The following SPTB variants were observed in gnomAD, a reference collection of about 807,000 sequenced individuals.
SPTB encodes spectrin beta chain, erythrocytic.
Under a neutral mutation model 256.2 loss-of-function variants are expected in SPTB, and 45 were observed. That is an observed-to-expected ratio of 0.18 (90% confidence interval 0.14 to 0.23). The LOEUF is 0.23. Among genes scored for constraint, SPTB ranks in the 10% least tolerant of loss-of-function variants. SPTB has a pLI of 1.00. For synonymous variants in SPTB, 1,231 were observed against 1,243.1 expected (o/e 0.99, Z 0.21); for missense variants, 2,715 against 3,040.4 (o/e 0.89, Z 2.52).
intron 1 of SPTB, among the ~76,000 whole-genome samples, chr14:64,878,167 T>C (rs886900513): frequency 2.0e-5 from 3 of 152,338 alleles, no homozygotes; most frequent in South Asian, 2.1e-4. Flanking sequence ...GAAAGCCACA[T>C]TTTCATGAGC....
In SPTB at chr14:64,833,879, C is replaced by T. The variant is rs117522541; in HGVS notation, c.-51-10734G>A. ...TTAAGAGGATAAAAGCAGTTCCCAC[C>T]GAGGACACACCATGTGGAGGCCCAT... On this transcript the variant is annotated intron_variant, in intron 1 of 35. Coordinates refer to ENST00000644917, the MANE Select transcript of SPTB (RefSeq NM_001355436.2). 9.8e-4 allele frequency among the ~76,000 whole-genome samples: 149 copies of T among 152,244 alleles called. 4 individuals carry two copies. The East Asian group carries it at 0.022, about 23-fold the overall frequency.
rs968656596 is a variant in SPTB at position 64,824,597 on chromosome 14, G to A, written c.-51-1452C>T. 6.6e-6 allele frequency among the ~76,000 whole-genome samples: 1 copy of A among 152,194 alleles called. No homozygotes were observed. Among genetic ancestry groups the A allele is most frequent in the African/African-American group, 2.4e-5 (1 of 41,452 alleles). ...AAGAGAGCAAAGCGGGAGGCAGGGA[G>A]GCTGTGAGGCAGACCTGTGATGGGG... is the stretch of plus-strand genomic sequence containing the variant. On this transcript the variant is annotated intron_variant, in intron 1 of 35. Coordinates refer to ENST00000644917, the MANE Select transcript of SPTB (RefSeq NM_001355436.2). This position sits in a 1 kb window ranked among gnomAD's most constrained non-coding sequence, Gnocchi z 5.7.
At position 64,845,899 on chromosome 14, in the gene SPTB, CA is replaced by C. The variant is rs75547748; in HGVS notation, c.-51-22755del. On this transcript the variant is annotated intron_variant, in intron 1 of 35. Coordinates refer to ENST00000644917, the MANE Select transcript of SPTB (RefSeq NM_001355436.2). This position sits in a 1 kb window ranked among gnomAD's most constrained non-coding sequence, Gnocchi z 4.8. ...GCATTTTGGGCCAATATTGACTTTC[CA>C]AAAAAAACCCGCTCTACATTTTATG... is the stretch of plus-strand genomic sequence containing the variant. 5.3e-5 allele frequency among the ~76,000 whole-genome samples: 8 copies of C among 151,508 alleles called. No homozygotes were observed. The highest frequency in any genetic ancestry group is 1.9e-4 in the African/African-American group (8 of 41,192).
At chr14:64,801,713 G>C (rs963182482) in intron 6 of SPTB, 41 bp downstream of exon 6, 9 of 1,571,052 alleles carry the variant, frequency 5.7e-6, no homozygotes, top group Admixed American at 5.0e-5. Flanking sequence ...TCCCAGGGAG[G>C]CTGTCTCAGT....
At chr14:64,878,760 G>A (rs1197462437) in intron 1 of SPTB, among the ~76,000 whole-genome samples, 1 of 151,996 alleles carries the variant, frequency 6.6e-6, no homozygotes, top group Non-Finnish European at 1.5e-5. Flanking sequence ...AGTACAAAAA[G>A]GCTGTCACTA....
chr14:64,788,162 G>A (rs561013743), intron 15 of SPTB, among the ~76,000 whole-genome samples: 1 of 152,302 alleles, frequency 6.6e-6, no homozygotes, highest in African/African-American at 2.4e-5. Context: ...GAGCAATGGG[G>A]TGACAGTTGC....
At position 64,855,409 on chromosome 14, in the gene SPTB, G is replaced by C. The variant is rs562906887; in HGVS notation, c.-52+24383C>G. On this transcript the variant is annotated intron_variant, in intron 1 of 35. Coordinates refer to ENST00000644917, the MANE Select transcript of SPTB (RefSeq NM_001355436.2). The stretch of plus-strand genomic sequence containing the variant: ...CTAAGAAGTTATTCTTTATGGCTTG[G>C]GGAAATGAAAAAAGAGAAACCGTAT... Among the ~76,000 whole-genome samples the C allele has an allele frequency of 4.5e-4, 68 of 152,098 alleles. No individual in the cohort carries two copies. In the South Asian group the frequency reaches 0.014, roughly 31 times the overall value.
In SPTB at chr14:64,866,831, A is replaced by G. The variant is rs1177413077; in HGVS notation, c.-52+12961T>C. Among the ~76,000 whole-genome samples the G allele has an allele frequency of 6.6e-6, 1 of 152,178 alleles. No individual in the cohort carries two copies. Among genetic ancestry groups the G allele is most frequent in the Non-Finnish European group, 1.5e-5 (1 of 68,022 alleles). On this transcript the variant is annotated intron_variant, in intron 1 of 35. Coordinates refer to ENST00000644917, the MANE Select transcript of SPTB (RefSeq NM_001355436.2). This position sits in a 1 kb window ranked among gnomAD's most constrained non-coding sequence, Gnocchi z 4.6. Reference sequence around the variant, plus strand: ...GACAAACAATAAACAGATTAACTGTACCCAGAAAAATAAAACCTCTATACA... The same window carrying G: ...GACAAACAATAAACAGATTAACTGTGCCCAGAAAAATAAAACCTCTATACA...
At position 64,847,226 on chromosome 14, in the gene SPTB, C is replaced by T. The variant is rs144752714; in HGVS notation, c.-51-24081G>A. Among the ~76,000 whole-genome samples, 32 of 152,320 alleles carry T rather than the reference C, an allele frequency of 2.1e-4. No individual in the cohort carries two copies. The highest frequency in any genetic ancestry group is 4.3e-4 in the Non-Finnish European group (29 of 68,028). Reference sequence around the variant, plus strand: ...AGGAAACAGTGACCCCAAAGGCCAGCGAAGACAGCCCAACTTGGCTGTGGT... The same window carrying T: ...AGGAAACAGTGACCCCAAAGGCCAGTGAAGACAGCCCAACTTGGCTGTGGT... On this transcript the variant is annotated intron_variant, in intron 1 of 35. Transcript: ENST00000644917. The surrounding 1 kb of genome is among the most constrained non-coding windows in gnomAD (Gnocchi z 5.9).
intron 2 of SPTB, among the ~76,000 whole-genome samples, chr14:64,810,642 T>C (rs1431921053): frequency 6.6e-6 from 1 of 152,192 alleles, no homozygotes; most frequent in East Asian, 1.9e-4. Flanking sequence ...ATCCCACCAC[T>C]GTGCTCCAGC....
intron 1 of SPTB, among the ~76,000 whole-genome samples, chr14:64,858,114 T>G (rs2083901184): frequency 6.6e-6 from 1 of 152,176 alleles, no homozygotes; most frequent in African/African-American, 2.4e-5. Context: ...GAACCTGGAT[T>G]TGAAGCCAGG....
chr14:64,810,782 C>A (rs374385081), intron 2 of SPTB, among the ~76,000 whole-genome samples: 26 of 152,116 alleles, frequency 1.7e-4, no homozygotes, highest in African/African-American at 5.3e-4. Flanking sequence ...AATCCAAAAG[C>A]TATAAAATAA....
chr14:64,763,678 G>A, intron 32 of SPTB: 1 of 515,338 alleles, frequency 1.9e-6, no homozygotes, highest in Non-Finnish European at 3.9e-6. Context: ...CTAGAACCCA[G>A]ATGTCCTGAC....
chr14:64,750,325 A>G lies in SPTB; in HGVS notation c.6603-171T>C, dbSNP rs941274203. The G allele has an allele frequency of 1.2e-5, 9 of 753,784 alleles. No homozygotes were observed. In the Admixed American group the frequency reaches 1.4e-4, roughly 11 times the overall value. 46.7% of individuals were successfully genotyped at this position (753,784 alleles called of 1,614,324 possible). On this transcript the variant is annotated intron_variant, in intron 33 of 35. Transcript: ENST00000644917. ...GTAATTTCATTACAAAAAATTAGCT[A>G]TTATTAACATTTTATGTATTCCTTC...
At chr14:64,879,277 A>C (rs927378852) in intron 1 of SPTB, among the ~76,000 whole-genome samples, 5 of 152,158 alleles carry the variant, frequency 3.3e-5, no homozygotes, top group Admixed American at 3.3e-4. Context: ...TGCTGCCCTC[A>C]CCTGTCCCTC....
Position 64,806,547 on chromosome 14 carries a change from A to G in SPTB, c.149-1457T>C, listed in dbSNP as rs1325348048. 6.6e-6 allele frequency among the ~76,000 whole-genome samples: 1 copy of G among 152,252 alleles called. No individual in the cohort carries two copies. Among genetic ancestry groups the G allele is most frequent in the East Asian group, 1.9e-4 (1 of 5,202 alleles). On this transcript the variant is annotated intron_variant, in intron 2 of 35. Transcript: ENST00000644917. The surrounding 1 kb of genome is among the most constrained non-coding windows in gnomAD (Gnocchi z 4.1). ...CAATAACAAAAAGAGGAGCTTAGCC[A>G]GTTCTGCCTCAAGGGTAGAATCCTG...
rs985646688 is a variant in SPTB at position 64,759,111 on chromosome 14, C to T, written c.6346-5318G>A. Among the ~76,000 whole-genome samples, 4 of 152,192 alleles carry T rather than the reference C, an allele frequency of 2.6e-5. No homozygotes were observed. Among genetic ancestry groups the T allele is most frequent in the African/African-American group, 4.8e-5 (2 of 41,426 alleles). On this transcript the variant is annotated intron_variant, in intron 32 of 35. Transcript: ENST00000644917. The surrounding 1 kb of genome is among the most constrained non-coding windows in gnomAD (Gnocchi z 4.8). The stretch of plus-strand genomic sequence containing the variant: ...ACTGGGTTCCGGAAAAGCTCAGTGA[C>T]GGGCTGAGATTAGAGCACACAGCAA...
intron 15 of SPTB, among the ~76,000 whole-genome samples, chr14:64,788,270 C>T (rs1275245304): frequency 6.6e-6 from 1 of 152,158 alleles, no homozygotes; most frequent in African/African-American, 2.4e-5. Context: ...AAGGATGGGA[C>T]CAAGTGTCTC....
At chr14:64,809,528 T>G (rs999868235) in intron 2 of SPTB, among the ~76,000 whole-genome samples, 1 of 151,892 alleles carries the variant, frequency 6.6e-6, no homozygotes, top group Admixed American at 6.6e-5. Context: ...TATATTTTTA[T>G]TAGAGATGGG....
Sources: gnomAD v4.1 joint callset for allele counts (sites outside exome capture counted in the v4.1 genomes callset) on GRCh38, gnomAD v4.1.1 for gene constraint, Gnocchi (gnomAD v3.1) non-coding constraint, MANE v1.5 for transcripts, NCBI Gene and HGNC (gene_info 2026-07-23, HGNC 2026-07-21) for gene names.